Variants in CTNNA1 observed in about 807,000 individuals in gnomAD.
CTNNA1 encodes the protein catenin alpha-1.
CTNNA1 carries 37 observed loss-of-function variants against 98.4 expected under a neutral mutation model. The observed-to-expected ratio is 0.38, with a 90% CI of 0.29 to 0.49. CTNNA1 has a LOEUF of 0.49. CTNNA1 is among the 20% of genes least tolerant of loss of function. The pLI is 0.95. For synonymous variants in CTNNA1, 404 were observed against 413.2 expected (o/e 0.98, Z 0.27); for missense variants, 761 against 1,147.2 (o/e 0.66, Z 4.86).
intron 3 of CTNNA1, among the ~76,000 whole-genome samples, chr5:138,790,194 C>T (rs1467019606): frequency 1.3e-5 from 2 of 152,112 alleles, no homozygotes; most frequent in Non-Finnish European, 2.9e-5. Flanking sequence ...GAGAATTGGC[C>T]AGTTGTCATG....
intron 9 of CTNNA1, among the ~76,000 whole-genome samples, chr5:138,898,952 T>C (rs778197313): frequency 5.3e-5 from 8 of 152,350 alleles, no homozygotes; most frequent in Middle Eastern, 3.4e-3. Context: ...CAGTAGAGTT[T>C]AAGTCAATAT....
chr5:138,863,226 T>A (rs73263463), intron 7 of CTNNA1, among the ~76,000 whole-genome samples: 401 of 151,300 alleles, frequency 2.7e-3, no homozygotes, highest in African/African-American at 6.5e-3. Context: ...TCATCTTTTT[T>A]TATATATATA....
chr5:138,890,615 T>A (rs555770243), intron 9 of CTNNA1, among the ~76,000 whole-genome samples: 14 of 152,322 alleles, frequency 9.2e-5, no homozygotes, highest in African/African-American at 3.4e-4. Context: ...CATCCTCTTG[T>A]CACATTGATG....
intron 7 of CTNNA1, among the ~76,000 whole-genome samples, chr5:138,878,738 G>A (rs1032713749): frequency 1.3e-5 from 2 of 152,182 alleles, no homozygotes; most frequent in African/African-American, 4.8e-5. Context: ...CTGTTCTTCT[G>A]TGGGAGGGAG....
chr5:138,861,187 ATTTTTGTAC>A (rs997448609), intron 7 of CTNNA1, among the ~76,000 whole-genome samples: 1 of 151,320 alleles, frequency 6.6e-6, no homozygotes, highest in Non-Finnish European at 1.5e-5. Context: ...TGCCTGGCTA[ATTTTTGTAC>A]TTTTAGTAGA....
intron 11 of CTNNA1, among the ~76,000 whole-genome samples, chr5:138,923,710 C>T (rs900771999): frequency 1.1e-4 from 16 of 152,196 alleles, no homozygotes; most frequent in African/African-American, 3.4e-4. Context: ...CCACCCTTCT[C>T]TTGGAGATTT....
intron 5 of CTNNA1, among the ~76,000 whole-genome samples, chr5:138,815,776 C>T (rs1759370741): frequency 6.6e-6 from 1 of 152,020 alleles, no homozygotes; most frequent in African/African-American, 2.4e-5. Flanking sequence ...TTCCTTGGGC[C>T]TAAGTTTTTA....
chr5:138,825,416 TG>T (rs1377123186), intron 6 of CTNNA1, among the ~76,000 whole-genome samples: 3 of 150,632 alleles, frequency 2.0e-5, no homozygotes, highest in African/African-American at 7.3e-5. Context: ...AACTTTTTGG[TG>T]GGTTATGTGT....
rs746235725 is a variant in CTNNA1, at chr5:138,891,631, G to A, written c.1296+3989G>A. ...AAAAATTAGCCGGGCATGGTGGCGG[G>A]TGCCTGTAATCCCAGCTACTTGCGA... On this transcript the variant is annotated intron_variant, in intron 9 of 17. Transcript: ENST00000302763. 2.2e-4 allele frequency among the ~76,000 whole-genome samples: 34 copies of A among 152,200 alleles called. No individual in the cohort carries two copies. In the Middle Eastern group the frequency reaches 0.014, roughly 61 times the overall value.
chr5:138,885,652 A>AT (rs1419114801), intron 7 of CTNNA1, among the ~76,000 whole-genome samples: 2 of 152,138 alleles, frequency 1.3e-5, no homozygotes, highest in African/African-American at 4.8e-5. Flanking sequence ...TTAGTCTAGG[A>AT]TTTTTTTAAA....
chr5:138,811,640 G>A, intron 4 of CTNNA1, among the ~76,000 whole-genome samples: 1 of 152,172 alleles, frequency 6.6e-6, no homozygotes, highest in Non-Finnish European at 1.5e-5. Context: ...TGAGCACCGA[G>A]TGAACCAGAC....
intron 7 of CTNNA1, among the ~76,000 whole-genome samples, chr5:138,828,640 TA>T (rs1243103692): frequency 6.6e-6 from 1 of 152,090 alleles, no homozygotes; most frequent in South Asian, 2.1e-4. Flanking sequence ...GTTTAACACC[TA>T]AAAAAAAGAT....
rs773758649 is a variant in CTNNA1, at chr5:138,930,474, C to T, written c.2012C>T (p.Ala671Val). ...DQLIAGQSAR[A>V]IMAQLPQEQK... ...AGCTCTTTGTGCTTCTGATCACAGG[C>T]GATCATGGCTCAGCTTCCCCAGGAG... Residue 671 changes from alanine to valine, a missense_variant and splice_region_variant, in exon 15 of 18, where the codon GCG becomes GTG. Physicochemically the swap from Ala to Val is moderately conservative, Grantham distance 64. Transcript: ENST00000302763. 1.2e-6 allele frequency: 2 copies of T among 1,607,188 alleles called. No homozygotes were observed. The highest frequency in any genetic ancestry group is 1.7e-6 in the Non-Finnish European group (2 of 1,175,648).
chr5:138,930,720 C>T (rs1045331157), intron 15 of CTNNA1, 66 bp downstream of exon 15: 2 of 1,571,432 alleles, frequency 1.3e-6, no homozygotes, highest in Non-Finnish European at 1.7e-6. Context: ...GTCACCTGCG[C>T]AGCGGCTCAG....
chr5:138,933,349 C>T (rs1765824005), intron 17 of CTNNA1, among the ~76,000 whole-genome samples: 1 of 152,018 alleles, frequency 6.6e-6, no homozygotes, highest in African/African-American at 2.4e-5. Flanking sequence ...GTCCACCGAG[C>T]CTCCATGGCT....
rs116835422 is a variant in CTNNA1, at chr5:138,862,504, T to C, written c.1063-23708T>C. The stretch of plus-strand genomic sequence containing the variant: ...TTATGATAATGGATAGTACTTGTTG[T>C]CCTATATAATTTTACTGAACAAGGA... On this transcript the variant is annotated intron_variant, in intron 7 of 17. Coordinates refer to ENST00000302763, the MANE Select transcript of CTNNA1 (RefSeq NM_001903.5). Among the ~76,000 whole-genome samples the C allele has an allele frequency of 7.1e-3, 1,082 of 152,346 alleles. 11 individuals carry two copies. The highest frequency in any genetic ancestry group is 0.024 in the African/African-American group (1,002 of 41,570).
intron 10 of CTNNA1, among the ~76,000 whole-genome samples, chr5:138,909,559 A>G (rs753428451): frequency 2.6e-5 from 4 of 152,004 alleles, no homozygotes; most frequent in Non-Finnish European, 5.9e-5. Context: ...GGCTGGTCTC[A>G]AACTCCTGAG....
At chr5:138,891,906 C>G (rs1354285266) in intron 9 of CTNNA1, among the ~76,000 whole-genome samples, 2 of 152,222 alleles carry the variant, frequency 1.3e-5, no homozygotes, top group Non-Finnish European at 2.9e-5. Context: ...GCCTCCCATT[C>G]TTTGCAAAGT....
intron 1 of CTNNA1, among the ~76,000 whole-genome samples, chr5:138,776,039 C>CTTTTTTTTTTTTTTTTT (rs57467422): frequency 1.2e-5 from 1 of 83,886 alleles, no homozygotes. Context: ...GGAAATGTTT[C>CTTTTTTTTTTTTTTTTT]TTTTTTTTTT....
Sources: gnomAD v4.1 joint callset for allele counts (sites outside exome capture counted in the v4.1 genomes callset) on GRCh38, gnomAD v4.1.1 for gene constraint, MANE v1.5 for transcripts, NCBI Gene and HGNC (gene_info 2026-07-23, HGNC 2026-07-21) for gene names.